The following GALNT11 variants were observed in gnomAD, a reference collection of about 807,000 sequenced individuals.
The protein encoded by GALNT11 is UDP-GalNAc:polypeptide N-acetylgalactosaminyltransferase 11.
Under a neutral mutation model 72.7 loss-of-function variants are expected in GALNT11, and 47 were observed. The observed-to-expected ratio is 0.65, with a 90% confidence interval of 0.51 to 0.82. The LOEUF (loss-of-function observed/expected upper bound fraction) is 0.82. Among genes scored for constraint, GALNT11 ranks in the 40% least tolerant of loss-of-function variants. The probability of loss-of-function intolerance (pLI) is 0.00; values close to 1 mark genes in which losing one functional copy is unlikely to be tolerated. For missense variants in GALNT11, 677 were observed against 778.4 expected (o/e 0.87, Z 1.55); for synonymous variants, 270 against 286.6 (o/e 0.94, Z 0.58).
chr7:152,053,528 T>C (rs1023178930), intron 1 of GALNT11, among the ~76,000 whole-genome samples: 1 of 152,238 alleles, frequency 6.6e-6, no homozygotes, highest in African/African-American at 2.4e-5. Context: ...TCATTCCATA[T>C]AGTTTGCTTA....
chr7:152,076,096 A>AG (rs2084960197), intron 1 of GALNT11, among the ~76,000 whole-genome samples: 2 of 147,560 alleles, frequency 1.4e-5, no homozygotes, highest in African/African-American at 5.1e-5. Flanking sequence ...AAAAAGAAGA[A>AG]GAGAGAAAAG....
At chr7:152,063,837 T>A (rs2084154853) in intron 1 of GALNT11, among the ~76,000 whole-genome samples, 1 of 152,254 alleles carries the variant, frequency 6.6e-6, no homozygotes, top group Non-Finnish European at 1.5e-5. Flanking sequence ...CAGTTTCTTA[T>A]AATTTCTGTT....
At position 152,117,693 on chromosome 7, in the gene GALNT11, G is replaced by A. The variant is rs928333268; in HGVS notation, c.1452+318G>A. ...GTCAACTTCGTGTGTCAGAGGCCAG[G>A]CCAACAAGTGGAGAAATGGGGCAGT... On this transcript the variant is annotated intron_variant, in intron 9 of 11. Coordinates refer to ENST00000430044, the MANE Select transcript of GALNT11 (RefSeq NM_022087.4). 4 of 311,388 alleles carry A rather than the reference G, an allele frequency of 1.3e-5. No individual in the cohort carries two copies. In the Admixed American group the frequency reaches 1.9e-4, roughly 15 times the overall value. The allele number at this position is 311,388 out of a possible 1,614,324, so 19.3% of individuals were successfully genotyped here.
intron 1 of GALNT11, among the ~76,000 whole-genome samples, chr7:152,031,704 G>C (rs551209202): frequency 7.9e-5 from 12 of 152,306 alleles, no homozygotes; most frequent in African/African-American, 2.9e-4. Flanking sequence ...TGCTCTCTCT[G>C]TGATGTATAA....
At chr7:152,055,574 T>TAC (rs2083631351) in intron 1 of GALNT11, among the ~76,000 whole-genome samples, 1 of 147,908 alleles carries the variant, frequency 6.8e-6, no homozygotes, top group African/African-American at 2.6e-5. Flanking sequence ...TGTGTATATA[T>TAC]ACATATATAT....
chr7:152,084,779 T>C (rs2085538947), intron 1 of GALNT11, among the ~76,000 whole-genome samples: 1 of 152,212 alleles, frequency 6.6e-6, no homozygotes, highest in African/African-American at 2.4e-5. Flanking sequence ...TTGTTAATAC[T>C]AAGCGCTATG....
chr7:152,118,574 G>T, intron 9 of GALNT11, 104 bp from the exon 10 acceptor site: 1 of 897,756 alleles, frequency 1.1e-6, no homozygotes, highest in Non-Finnish European at 1.7e-6. Context: ...CTTGGAATTC[G>T]TACCTCCGGA....
At chr7:152,058,087 TG>T (rs1296369379) in intron 1 of GALNT11, among the ~76,000 whole-genome samples, 2 of 152,018 alleles carry the variant, frequency 1.3e-5, no homozygotes, top group South Asian at 2.1e-4. Context: ...ACACATTTTT[TG>T]GGGGGGTGCA....
At chr7:152,099,947 ATTTTT>A (rs768708954) in intron 2 of GALNT11, among the ~76,000 whole-genome samples, 1 of 114,466 alleles carries the variant, frequency 8.7e-6, no homozygotes. Flanking sequence ...CACCTGGCTA[ATTTTT>A]TTTTTTTTTT....
chr7:152,110,484 T>C lies in GALNT11; in HGVS notation c.963-44T>C, dbSNP rs747508611. ...TTTTAAACAAAAGTAGTAGGTAAGA[T>C]AACTGACTATAAGGAATGAGTACAG... On this transcript the variant is annotated intron_variant, in intron 6 of 11. Transcript: ENST00000430044. 5.2e-5 allele frequency: 73 copies of C among 1,392,558 alleles called. 3 individuals are homozygous for C. The South Asian group carries it at 8.3e-4, about 16-fold the overall frequency. The allele number at this position is 1,392,558 out of a possible 1,614,324, so 86.3% of individuals were successfully genotyped here. A position where few individuals can be genotyped will look rare whatever the true frequency, so the allele number is the denominator to read the frequency against.
At chr7:152,096,953 G>A (rs1030192312) in intron 2 of GALNT11, among the ~76,000 whole-genome samples, 1 of 152,032 alleles carries the variant, frequency 6.6e-6, no homozygotes, top group Admixed American at 6.5e-5. Context: ...TCAGCCTCTC[G>A]AGTAGCTGGG....
chr7:152,069,161 A>G (rs114079036), intron 1 of GALNT11, among the ~76,000 whole-genome samples: 1 of 152,180 alleles, frequency 6.6e-6, no homozygotes, highest in Admixed American at 6.5e-5. Context: ...TTAGTTCAAT[A>G]TATTGTTTAA....
chr7:152,060,638 G>A (rs1327211765), intron 1 of GALNT11, among the ~76,000 whole-genome samples: 1 of 142,398 alleles, frequency 7.0e-6, no homozygotes, highest in Non-Finnish European at 1.5e-5. Flanking sequence ...TCCACCCCAC[G>A]ACAGACCCTG....
chr7:152,050,391 T>C (rs1378685557), intron 1 of GALNT11, among the ~76,000 whole-genome samples: 1 of 152,222 alleles, frequency 6.6e-6, no homozygotes, highest in Non-Finnish European at 1.5e-5. Context: ...GCCCAGGCTG[T>C]GTCTAGAAAT....
At chr7:152,058,330 TTTTTGTTTTG>T (rs142361956) in intron 1 of GALNT11, among the ~76,000 whole-genome samples, 9 of 151,994 alleles carry the variant, frequency 5.9e-5, no homozygotes, top group South Asian at 2.1e-4. Context: ...TGGCAAGTTC[TTTTTGTTTTG>T]TTTTGTTTTG....
In GALNT11 at chr7:152,094,307, A is replaced by G. The variant is rs750816653; in HGVS notation, c.80A>G (p.Tyr27Cys). 1 of 1,613,894 alleles carries G rather than the reference A, an allele frequency of 6.2e-7. No homozygotes were observed. The highest frequency in any genetic ancestry group is 1.7e-5 in the Admixed American group (1 of 59,968). ...ACCTGGACAGTTTTGCTTTTTGTTT[A>G]TTTCAACTTCAGTGAAGTGACTCAG... ...SATWTVLLFVYFNFSEVTQPL... is the reference protein window; with the variant it reads ...SATWTVLLFVCFNFSEVTQPL... Residue 27 changes from tyrosine to cysteine, a missense_variant, in exon 2 of 12, where the codon TAT (tyrosine) becomes TGT (cysteine). Physicochemically the swap from Tyr to Cys is radical, Grantham distance 194. Transcript: ENST00000430044. This position sits in a 1 kb window ranked among gnomAD's most constrained non-coding sequence, Gnocchi z 4.3.
At chr7:152,055,722 C>T (rs1243420385) in intron 1 of GALNT11, among the ~76,000 whole-genome samples, 1 of 151,890 alleles carries the variant, frequency 6.6e-6, no homozygotes, top group Non-Finnish European at 1.5e-5. Context: ...TTGAATCTTA[C>T]AAAAATATTA....
intron 1 of GALNT11, among the ~76,000 whole-genome samples, chr7:152,080,047 G>A (rs1333285905): frequency 6.6e-6 from 1 of 152,164 alleles, no homozygotes; most frequent in Non-Finnish European, 1.5e-5. Context: ...TTTCTCATTA[G>A]TCTTGTGGTA....
intron 1 of GALNT11, among the ~76,000 whole-genome samples, chr7:152,053,896 CTAT>C (rs1191519525): frequency 6.6e-6 from 1 of 152,190 alleles, no homozygotes; most frequent in Non-Finnish European, 1.5e-5. Flanking sequence ...CATTTAACTA[CTAT>C]ACTTTGAATG....
Sources: gnomAD v4.1 joint callset for allele counts (sites outside exome capture counted in the v4.1 genomes callset) on GRCh38, gnomAD v4.1.1 for gene constraint, Gnocchi (gnomAD v3.1) non-coding constraint, MANE v1.5 for transcripts, NCBI Gene and HGNC (gene_info 2026-07-23, HGNC 2026-07-21) for gene names.